Variants in PCDH11X observed in about 807,000 individuals in gnomAD.
The protein encoded by PCDH11X is protocadherin-11 X-linked.
PCDH11X carries 18 observed loss-of-function variants against 53.3 expected under a neutral mutation model. The observed-to-expected ratio is 0.34, with a 90% confidence interval of 0.23 to 0.50. PCDH11X has a LOEUF of 0.50. Ranked by LOEUF, PCDH11X falls within the 20% of genes least tolerant of loss-of-function variation. The pLI is 0.98. For missense variants in PCDH11X, 570 were observed against 1,032.4 expected (o/e 0.55, Z 6.14); for synonymous variants, 279 against 393.3 (o/e 0.71, Z 3.44).
At chrX:92,117,304 C>T (rs941003614) in intron 6 of PCDH11X, among the ~76,000 whole-genome samples, 1 of 109,435 alleles carries the variant, frequency 9.1e-6, no homozygotes, top group Non-Finnish European at 1.9e-5. Context: ...AGCATGGTGG[C>T]GGACACCTAT....
intron 6 of PCDH11X, among the ~76,000 whole-genome samples, chrX:92,071,507 T>C (rs1251209688): frequency 1.8e-5 from 2 of 111,564 alleles, no homozygotes; most frequent in African/African-American, 6.5e-5. Context: ...CTGGATGGTA[T>C]TGATATTTGT....
chrX:92,020,531 G>A (rs1458490172), intron 6 of PCDH11X, among the ~76,000 whole-genome samples: 1 of 111,114 alleles, frequency 9.0e-6, no homozygotes. Flanking sequence ...CTCAGGAACA[G>A]AAGTCTGATC....
At chrX:92,183,482 C>G (rs2066034787) in intron 6 of PCDH11X, among the ~76,000 whole-genome samples, 1 of 111,326 alleles carries the variant, frequency 9.0e-6, no homozygotes, top group African/African-American at 3.3e-5. Flanking sequence ...GTCTTGAACT[C>G]CTGACCTCAG....
intron 8 of PCDH11X, among the ~76,000 whole-genome samples, chrX:92,278,249 G>A (rs2068155156): frequency 1.8e-5 from 2 of 111,658 alleles, no homozygotes; most frequent in African/African-American, 3.3e-5. Flanking sequence ...TGTTTCTTGG[G>A]CTGGTCGATC....
intron 8 of PCDH11X, among the ~76,000 whole-genome samples, chrX:92,323,184 A>G (rs1412993366): frequency 1.8e-5 from 2 of 111,231 alleles, no homozygotes; most frequent in Non-Finnish European, 3.8e-5. Context: ...TAAACAGAAA[A>G]TATTAAAGCT....
intron 8 of PCDH11X, among the ~76,000 whole-genome samples, chrX:92,267,551 C>T (rs2067860032): frequency 3.6e-5 from 4 of 112,248 alleles, no homozygotes; most frequent in Middle Eastern, 4.6e-3. Flanking sequence ...TTTGATCCAA[C>T]ATGTATTAAA....
Position 92,619,050 on chromosome X carries a change from G to A in PCDH11X, c.*110G>A, listed in dbSNP as rs1238658273. 1 of 862,682 alleles carries A rather than the reference G, an allele frequency of 1.2e-6. No individual in the cohort carries two copies. Among genetic ancestry groups the A allele is most frequent in the African/African-American group, 2.1e-5 (1 of 48,164 alleles). 71.1% of individuals were successfully genotyped at this position (862,682 alleles called of 1,213,427 possible). ...AGATTTGTAAATAACTATGTAAATA[G>A]AAACAGATACCAGAATAAATCTACA... On this transcript the variant is annotated 3_prime_UTR_variant, in exon 11 of 11. Transcript: ENST00000682573.
chrX:91,858,438 C>A (rs7473879), intron 5 of PCDH11X, among the ~76,000 whole-genome samples: 2 of 111,694 alleles, frequency 1.8e-5, no homozygotes, highest in Non-Finnish European at 3.8e-5. Flanking sequence ...TGAATTTCTC[C>A]TCAGAAAATG....
intron 6 of PCDH11X, among the ~76,000 whole-genome samples, chrX:91,929,376 T>G (rs1942049347): frequency 9.0e-6 from 1 of 110,527 alleles, no homozygotes; most frequent in African/African-American, 3.3e-5. Flanking sequence ...GGTACTAGTC[T>G]GAGCCCTTGA....
At chrX:92,359,763 A>G (rs2070301250) in intron 8 of PCDH11X, among the ~76,000 whole-genome samples, 1 of 110,819 alleles carries the variant, frequency 9.0e-6, no homozygotes, top group Non-Finnish European at 1.9e-5. Flanking sequence ...CTATTACCTA[A>G]GAGCATCATA....
intron 6 of PCDH11X, among the ~76,000 whole-genome samples, chrX:91,979,104 T>C (rs2062087872): frequency 9.0e-6 from 1 of 111,449 alleles, no homozygotes; most frequent in Non-Finnish European, 1.9e-5. Context: ...AGACTGAACA[T>C]ATCGTATACT....
intron 7 of PCDH11X, among the ~76,000 whole-genome samples, chrX:92,240,569 G>A (rs1388788541): frequency 2.7e-5 from 3 of 111,741 alleles, no homozygotes; most frequent in Non-Finnish European, 5.6e-5. Flanking sequence ...ACTGGGTGGA[G>A]CATCTTAGAA....
intron 7 of PCDH11X, among the ~76,000 whole-genome samples, chrX:92,225,684 C>A (rs1007214111): frequency 9.0e-6 from 1 of 110,827 alleles, no homozygotes; most frequent in Non-Finnish European, 1.9e-5. Context: ...TAAGATTTTG[C>A]AAAATTAAGA....
intron 8 of PCDH11X, among the ~76,000 whole-genome samples, chrX:92,378,793 T>A (rs192564788): frequency 2.5e-4 from 28 of 112,195 alleles, no homozygotes; most frequent in African/African-American, 8.7e-4. Context: ...TTATAAGGGA[T>A]CTACCCTCAT....
intron 6 of PCDH11X, among the ~76,000 whole-genome samples, chrX:91,938,276 A>T (rs1434492659): frequency 9.2e-6 from 1 of 109,019 alleles, no homozygotes; most frequent in Non-Finnish European, 1.9e-5. Flanking sequence ...GACTAGATTT[A>T]TCCTACTTCT....
At chrX:92,453,658 CA>C (rs2072849461) in intron 9 of PCDH11X, among the ~76,000 whole-genome samples, 1 of 109,636 alleles carries the variant, frequency 9.1e-6, no homozygotes, top group South Asian at 3.8e-4. Context: ...AATTATTTTT[CA>C]ATAATTTTTT....
At chrX:92,094,672 C>T (rs766537950) in intron 6 of PCDH11X, among the ~76,000 whole-genome samples, 1 of 111,370 alleles carries the variant, frequency 9.0e-6, no homozygotes, top group East Asian at 2.8e-4. Context: ...TCATACTTTC[C>T]AATTATCCTA....
At chrX:92,570,001 G>A (rs1219040917) in intron 10 of PCDH11X, among the ~76,000 whole-genome samples, 2 of 79,469 alleles carry the variant, frequency 2.5e-5, no homozygotes, top group East Asian at 7.8e-4. Context: ...GGGTGACAGA[G>A]TGAGACTCAG....
chrX:91,859,459 T>C (rs1938538587), intron 5 of PCDH11X, among the ~76,000 whole-genome samples: 2 of 109,630 alleles, frequency 1.8e-5, no homozygotes, highest in Admixed American at 2.0e-4. Context: ...AGAAGCTCTT[T>C]AATTAGATCC....
Sources: allele counts gnomAD v4.1 joint callset (sites outside exome capture counted in the v4.1 genomes callset), GRCh38; gene constraint gnomAD v4.1.1; transcripts MANE v1.5; gene names NCBI Gene and HGNC (gene_info 2026-07-23, HGNC 2026-07-21).